Variants in CWC27 observed in about 807,000 individuals in gnomAD.
CWC27 encodes spliceosome-associated protein CWC27 homolog.
Under a neutral mutation model 63.6 loss-of-function variants are expected in CWC27, and 47 were observed. The observed-to-expected ratio is 0.74, with a 90% CI of 0.58 to 0.94. CWC27 has a LOEUF of 0.94. Ranked by LOEUF, CWC27 falls within the 40% of genes least tolerant of loss-of-function variation. CWC27 has a pLI of 0.00. For missense variants in CWC27, 495 were observed against 554.3 expected, an observed-to-expected ratio of 0.89 and a Z score of 1.07; for synonymous variants, 175 against 179.8, an observed-to-expected ratio of 0.97 and a Z score of 0.22.
At chr5:64,909,486 T>C (rs1747738995) in intron 11 of CWC27, among the ~76,000 whole-genome samples, 2 of 152,206 alleles carry the variant, frequency 1.3e-5, no homozygotes, top group Non-Finnish European at 2.9e-5. Flanking sequence ...TGGCCTGCCT[T>C]GCTAGATTGG....
chr5:64,992,029 T>C (rs1443074248), intron 13 of CWC27, among the ~76,000 whole-genome samples: 1 of 152,206 alleles, frequency 6.6e-6, no homozygotes, highest in African/African-American at 2.4e-5. Flanking sequence ...TTTTTCACTC[T>C]AACTCTTCTA....
intron 11 of CWC27, among the ~76,000 whole-genome samples, chr5:64,894,334 T>C (rs545112398): frequency 1.2e-4 from 19 of 152,164 alleles, no homozygotes; most frequent in Non-Finnish European, 2.4e-4. Context: ...TAGATTTGTG[T>C]CCAGTGCCCT....
intron 10 of CWC27, among the ~76,000 whole-genome samples, chr5:64,866,395 A>G (rs1746531451): frequency 6.6e-6 from 1 of 152,136 alleles, no homozygotes; most frequent in Non-Finnish European, 1.5e-5. Flanking sequence ...GTACTAGGCT[A>G]TAAGAATAAC....
chr5:64,792,152 T>C (rs1744104589), intron 7 of CWC27, among the ~76,000 whole-genome samples: 1 of 152,150 alleles, frequency 6.6e-6, no homozygotes, highest in Non-Finnish European at 1.5e-5. Context: ...ATGACTGTCC[T>C]TCACCAACTC....
At chr5:64,881,926 T>C (rs1023573590) in intron 10 of CWC27, among the ~76,000 whole-genome samples, 1 of 152,164 alleles carries the variant, frequency 6.6e-6, no homozygotes, top group African/African-American at 2.4e-5. Context: ...ACTTACCAAA[T>C]TGAAAGCTAT....
intron 11 of CWC27, among the ~76,000 whole-genome samples, chr5:64,900,933 C>T (rs1421129723): frequency 2.0e-5 from 3 of 152,030 alleles, no homozygotes; most frequent in African/African-American, 7.2e-5. Context: ...TGGCCCAGGA[C>T]AGCTCTGAAT....
At chr5:64,788,843 A>T in intron 6 of CWC27, 108 bp from the exon 7 acceptor site, 2 of 687,468 alleles carry the variant, frequency 2.9e-6, no homozygotes, top group Non-Finnish European at 4.9e-6. Flanking sequence ...AACAGTCAGA[A>T]TGTATTTCTT....
At chr5:64,972,120 A>T (rs115716515) in intron 12 of CWC27, among the ~76,000 whole-genome samples, 269 of 152,242 alleles carry the variant, frequency 1.8e-3, no homozygotes, top group African/African-American at 6.1e-3. Flanking sequence ...TGTGTAGTGA[A>T]TATTATGAAA....
At chr5:64,832,623 T>C (rs906744302) in intron 10 of CWC27, among the ~76,000 whole-genome samples, 23 of 151,926 alleles carry the variant, frequency 1.5e-4, no homozygotes, top group African/African-American at 5.1e-4. Flanking sequence ...TAACACAAAA[T>C]ACTGTATTCA....
At chr5:64,880,246 T>G (rs1369193534) in intron 10 of CWC27, among the ~76,000 whole-genome samples, 2 of 151,948 alleles carry the variant, frequency 1.3e-5, no homozygotes, top group Admixed American at 1.3e-4. Flanking sequence ...ATATCCCTCC[T>G]TGGAATTTAG....
intron 10 of CWC27, among the ~76,000 whole-genome samples, chr5:64,822,961 C>G (rs369601730): frequency 8.5e-5 from 13 of 152,126 alleles, no homozygotes; most frequent in African/African-American, 3.1e-4. Context: ...TTATTTCTAG[C>G]ACTAGGCTAG....
chr5:64,858,522 A>G (rs2112307495), intron 10 of CWC27, among the ~76,000 whole-genome samples: 1 of 151,692 alleles, frequency 6.6e-6, no homozygotes, highest in South Asian at 2.1e-4. Context: ...CAGAGAAAAT[A>G]TTGACAACAC....
intron 13 of CWC27, among the ~76,000 whole-genome samples, chr5:64,990,822 C>T (rs1749525155): frequency 6.6e-6 from 1 of 152,170 alleles, no homozygotes; most frequent in Non-Finnish European, 1.5e-5. Flanking sequence ...TCTATGAATA[C>T]TTATCTAGTG....
intron 11 of CWC27, among the ~76,000 whole-genome samples, chr5:64,955,447 G>A (rs1395987932): frequency 6.6e-6 from 1 of 152,086 alleles, no homozygotes; most frequent in Non-Finnish European, 1.5e-5. Flanking sequence ...AATAAAACAA[G>A]CCACAAGCAA....
At chr5:64,846,455 G>A (rs1331423498) in intron 10 of CWC27, among the ~76,000 whole-genome samples, 3 of 152,188 alleles carry the variant, frequency 2.0e-5, no homozygotes, top group African/African-American at 4.8e-5. Context: ...TGTATGCAAA[G>A]TTAAGTTGTT....
At chr5:64,809,534 A>C (rs1024150971) in intron 10 of CWC27, among the ~76,000 whole-genome samples, 2 of 151,976 alleles carry the variant, frequency 1.3e-5, no homozygotes, top group Non-Finnish European at 2.9e-5. Flanking sequence ...CGCCAGGCTA[A>C]TTTTTTGTAT....
chr5:64,954,792 A>ATG (rs1367315282), intron 11 of CWC27, among the ~76,000 whole-genome samples: 1 of 145,740 alleles, frequency 6.9e-6, no homozygotes, highest in East Asian at 2.0e-4. Context: ...ATATATATAT[A>ATG]TGTATGTATG....
intron 11 of CWC27, among the ~76,000 whole-genome samples, chr5:64,953,905 T>G (rs1395038755): frequency 6.6e-6 from 1 of 152,214 alleles, no homozygotes; most frequent in East Asian, 1.9e-4. Context: ...GAAAGCCAGT[T>G]ACTCAGCCAA....
At chr5:65,015,149 T>A (rs1750028974) in intron 13 of CWC27, among the ~76,000 whole-genome samples, 1 of 152,198 alleles carries the variant, frequency 6.6e-6, no homozygotes, top group African/African-American at 2.4e-5. Flanking sequence ...TAGAGTTCAT[T>A]TTTTATACCA....
Sources: gnomAD v4.1 joint callset for allele counts (sites outside exome capture counted in the v4.1 genomes callset) on GRCh38, gnomAD v4.1.1 for gene constraint, MANE v1.5 for transcripts, NCBI Gene and HGNC (gene_info 2026-07-23, HGNC 2026-07-21) for gene names.